Variants in ROCK1 observed in about 807,000 individuals in gnomAD.
ROCK1 encodes Rho associated coiled-coil containing protein kinase 1, also known as rho-associated protein kinase 1.
Under a neutral mutation model 196.8 loss-of-function variants are expected in ROCK1, and 36 were observed. The ratio of observed to expected loss-of-function variants is 0.18; its 90% confidence interval spans 0.14 to 0.24. ROCK1 has a LOEUF of 0.24. ROCK1 is among the 10% of genes least tolerant of loss of function. The pLI, the probability that ROCK1 is intolerant of heterozygous loss-of-function variation, is 1.00. For missense variants in ROCK1, 920 were observed against 1,562.0 expected, an observed-to-expected ratio of 0.59 and a Z score of 6.93; for synonymous variants, 443 against 515.9, an observed-to-expected ratio of 0.86 and a Z score of 1.91.
chr18:21,082,900 A>G (rs562061338), intron 1 of ROCK1, among the ~76,000 whole-genome samples: 1 of 152,344 alleles, frequency 6.6e-6, no homozygotes, highest in South Asian at 2.1e-4. Flanking sequence ...ATCTATTCAC[A>G]GGTGACATGA....
In ROCK1 at chr18:21,006,460, T is replaced by C; in HGVS notation, c.1776A>G (p.Leu592=). Residue 592 remains leucine (L), a synonymous_variant, in exon 16 of 33, where the codon TTA becomes TTG. Transcript: ENST00000399799. The part of the protein sequence containing the change: ...NRELQERNRI[L]ENSKSQTDKD... Reference sequence around the variant, plus strand: ...TGTCTGTTTGTGACTTAGAATTCTCTAAAATTCGATTTCTCTCTTGCAACT... The same window carrying C: ...TGTCTGTTTGTGACTTAGAATTCTCCAAAATTCGATTTCTCTCTTGCAACT... 6.2e-7 allele frequency: 1 copy of C among 1,613,796 alleles called. No homozygotes were observed. The highest frequency in any genetic ancestry group is 8.5e-7 in the Non-Finnish European group (1 of 1,179,928).
At chr18:21,086,066 T>C (rs2036524291) in intron 1 of ROCK1, among the ~76,000 whole-genome samples, 1 of 151,898 alleles carries the variant, frequency 6.6e-6, no homozygotes, top group South Asian at 2.1e-4. Context: ...TGGGGAAAAA[T>C]AAATACATGT....
In ROCK1 at chr18:20,951,382, G is replaced by A. The variant is rs978238956; in HGVS notation, c.*2C>T. 3 of 1,597,240 alleles carry A rather than the reference G, an allele frequency of 1.9e-6. No individual in the cohort carries two copies. The highest frequency in any genetic ancestry group is 2.3e-5 in the South Asian group (2 of 88,010). On this transcript the variant is annotated 3_prime_UTR_variant, in exon 33 of 33. Transcript: ENST00000399799. ...GATTCCACAGGGCACTCAGTCACAT[G>A]GTTAACTGTTGAGGGAGGGGGAAAA...
chr18:20,980,444 A>C lies in ROCK1; in HGVS notation c.2560-440T>G, dbSNP rs118038090. 4.9e-4 allele frequency among the ~76,000 whole-genome samples: 74 copies of C among 152,314 alleles called. No homozygotes were observed. The East Asian group carries it at 0.013, about 26-fold the overall frequency. On this transcript the variant is annotated intron_variant, in intron 21 of 32. Coordinates refer to ENST00000399799, the MANE Select transcript of ROCK1 (RefSeq NM_005406.3). ...GAAAATAATCAATAATCATGGAAAA[A>C]CAGTCATTGTCTGTGTATAGAGGTG...
chr18:21,079,812 A>G (rs2036467807), intron 1 of ROCK1, among the ~76,000 whole-genome samples: 2 of 152,196 alleles, frequency 1.3e-5, no homozygotes, highest in African/African-American at 4.8e-5. Flanking sequence ...ACCTCAGTCC[A>G]TTTGCCCTCC....
chr18:21,025,482 T>C (rs1459546754), intron 10 of ROCK1, among the ~76,000 whole-genome samples: 1 of 152,202 alleles, frequency 6.6e-6, no homozygotes, highest in Non-Finnish European at 1.5e-5. Context: ...GGGATTACTT[T>C]GGGAGGCCAA....
chr18:21,070,881 C>T (rs545234241), intron 1 of ROCK1, among the ~76,000 whole-genome samples: 1 of 152,250 alleles, frequency 6.6e-6, no homozygotes, highest in Non-Finnish European at 1.5e-5. Context: ...ATGCACTTTT[C>T]CCCTCATAAG....
In ROCK1 at chr18:21,049,864, A is replaced by C; in HGVS notation, c.192T>G (p.Asn64Lys). ...CTTTCATTCGTAAATCTCTGATTTT[A>C]TTTATTGTGTCTTTATCTGTATGAA... Reference protein sequence around the residue: ...NFLSRYKDTINKIRDLRMKAE... With the variant: ...NFLSRYKDTIKKIRDLRMKAE... Residue 64 changes from asparagine (N) to lysine (K), a missense_variant, in exon 3 of 33, where the codon AAT (asparagine) becomes AAG (lysine). By Grantham distance (94) the Asn-to-Lys change is moderately conservative. Coordinates refer to ENST00000399799, the MANE Select transcript of ROCK1 (RefSeq NM_005406.3). The C allele has an allele frequency of 6.3e-7, 1 of 1,595,420 alleles. No homozygotes were observed. Among genetic ancestry groups the C allele is most frequent in the Non-Finnish European group, 8.6e-7 (1 of 1,166,254 alleles).
chr18:21,008,462 C>A (rs759113362), intron 13 of ROCK1, among the ~76,000 whole-genome samples: 2 of 152,146 alleles, frequency 1.3e-5, no homozygotes. Context: ...TTGGTAGAGA[C>A]GGCTTTTGCC....
At chr18:20,980,896 A>G (rs932672474) in intron 21 of ROCK1, among the ~76,000 whole-genome samples, 5 of 149,372 alleles carry the variant, frequency 3.3e-5, no homozygotes, top group African/African-American at 1.2e-4. Context: ...AGCCTGGGCG[A>G]CAGAGTGAGA....
chr18:20,987,078 C>A lies in ROCK1; in HGVS notation c.2176G>T (p.Ala726Ser), dbSNP rs777680987. The A allele has an allele frequency of 6.2e-7, 1 of 1,611,980 alleles. No individual in the cohort carries two copies. The highest frequency in any genetic ancestry group is 8.5e-7 in the Non-Finnish European group (1 of 1,179,588). ...ACCCGATTTTCAGCCTTCTCTCGAG[C>A]TTCTCTTTCTTCTTTCAGCTTTTTT... ...MEKKLKEERE[A>S]REKAENRVVQ... The change falls in exon 19 of 33, where the codon GCT becomes TCT. Residue 726 changes from alanine to serine, a missense_variant. Ala to Ser is a moderately conservative substitution (Grantham distance 99). Transcript: ENST00000399799.
At chr18:21,110,585 T>C (rs1056545965) in intron 1 of ROCK1, among the ~76,000 whole-genome samples, 4 of 152,216 alleles carry the variant, frequency 2.6e-5, no homozygotes, top group African/African-American at 9.6e-5. Context: ...CGGGTACTCA[T>C]GAACTGAGTC....
intron 1 of ROCK1, among the ~76,000 whole-genome samples, chr18:21,098,984 G>A (rs2036634928): frequency 6.6e-6 from 1 of 152,166 alleles, no homozygotes; most frequent in African/African-American, 2.4e-5. Context: ...ATTACTAGTG[G>A]AAATGTAAAA....
chr18:21,045,906 T>TTC (rs2036152804), intron 4 of ROCK1, among the ~76,000 whole-genome samples: 1 of 125,698 alleles, frequency 8.0e-6, no homozygotes, highest in African/African-American at 3.1e-5. Context: ...GCTGTTTTTT[T>TTC]TTTTTTTTTT....
intron 13 of ROCK1, among the ~76,000 whole-genome samples, chr18:21,011,265 T>C (rs942684760): frequency 5.9e-5 from 9 of 152,246 alleles, no homozygotes; most frequent in South Asian, 2.1e-4. Flanking sequence ...GTGGGTTACC[T>C]GAACATTATT....
At chr18:21,070,151 A>G (rs1201003062) in intron 2 of ROCK1, among the ~76,000 whole-genome samples, 5 of 152,188 alleles carry the variant, frequency 3.3e-5, no homozygotes, top group Middle Eastern at 3.4e-3. Context: ...TTATTTAATC[A>G]AATTTTTAAA....
chr18:21,001,587 A>G lies in ROCK1; in HGVS notation c.1885+4764T>C, dbSNP rs535682794. On this transcript the variant is annotated intron_variant, in intron 16 of 32. Coordinates refer to ENST00000399799, the MANE Select transcript of ROCK1 (RefSeq NM_005406.3). ...TCAAGACATCCTGGCCAACATGGTG[A>G]AACCCTGTCTCTACTAAAAATACAA... is the stretch of plus-strand genomic sequence containing the variant. Among the ~76,000 whole-genome samples the G allele has an allele frequency of 5.3e-5, 8 of 152,176 alleles. No individual in the cohort carries two copies. In the South Asian group the frequency reaches 1.5e-3, roughly 28 times the overall value.
At chr18:20,993,211 G>A (rs920874383) in intron 16 of ROCK1, among the ~76,000 whole-genome samples, 50 of 152,116 alleles carry the variant, frequency 3.3e-4, no homozygotes, top group African/African-American at 1.2e-3. Context: ...CTTACTGAGT[G>A]CTTTTTTTTT....
intron 18 of ROCK1, 80 bp from the exon 19 acceptor site, chr18:20,987,190 G>A (rs2143398618): frequency 8.0e-7 from 1 of 1,249,408 alleles, no homozygotes. Context: ...GCTGTAAACT[G>A]GTTTCAAATG....
Sources: gnomAD v4.1 joint callset for allele counts (sites outside exome capture counted in the v4.1 genomes callset) on GRCh38, gnomAD v4.1.1 for gene constraint, MANE v1.5 for transcripts, NCBI Gene and HGNC (gene_info 2026-07-23, HGNC 2026-07-21) for gene names.